The following DEFB121 variants were observed in gnomAD, a reference collection of about 807,000 sequenced individuals.
DEFB121 encodes the protein defensin beta 121, also known as beta-defensin 121.
DEFB121 carries 5 observed loss-of-function variants against 2.5 expected under a neutral mutation model. That is an observed-to-expected ratio of 1.96 (90% CI 1.03 to 4.13). DEFB121 has a LOEUF of 4.13. Among genes scored for constraint, DEFB121 ranks in the 30% most tolerant of loss-of-function variants. DEFB121 has a pLI of 0.00. For synonymous variants in DEFB121, 39 were observed against 32.6 expected, an observed-to-expected ratio of 1.20 and a Z score of -0.67; for missense variants, 87 against 85.0, an observed-to-expected ratio of 1.02 and a Z score of -0.09.
upstream of DEFB121, among the ~76,000 whole-genome samples, chr20:31,409,731 G>A (rs1440696945): frequency 1.3e-5 from 2 of 152,110 alleles, no homozygotes; most frequent in Admixed American, 6.6e-5. Context: ...TGGACAACAA[G>A]AGCGAAACAC....
chr20:31,406,367 G>T, upstream of DEFB121: 1 of 1,058,448 alleles, frequency 9.4e-7, no homozygotes, highest in Non-Finnish European at 1.2e-6. Flanking sequence ...GAGGGGGAAG[G>T]GACGTTAACA....
chr20:31,404,925 A>G lies in DEFB121; in HGVS notation c.219T>C (p.Thr73=). ...TGGAAGAGAGGTGTCAGACTGCAGA[A>G]GTTGATTCCAGGCTTGTATTTGTGT... The part of the protein sequence containing the change: ...LTDTNTSLES[T]SAV The change falls in exon 2 of 2, where the codon ACT becomes ACC. Residue 73 remains threonine (T), a synonymous_variant. Transcript: ENST00000376314. 1 of 1,614,006 alleles carries G rather than the reference A, an allele frequency of 6.2e-7. No individual in the cohort carries two copies. The highest frequency in any genetic ancestry group is 8.5e-7 in the Non-Finnish European group (1 of 1,179,994).
chr20:31,412,671 G>A (rs1235939524), exon 1 of DEFB121: 1 of 1,290,888 alleles, frequency 7.7e-7, no homozygotes, highest in Admixed American at 2.3e-5. Context: ...TCCTCCTTGA[G>A]GCTCTTCTGG....
rs149744379 is a variant in DEFB121 at position 31,406,103 on chromosome 20, A to T, written c.50T>A (p.Val17Asp). The change falls in exon 1 of 2, where the codon GTC (valine) becomes GAC (aspartate). Residue 17 changes from valine (V) to aspartate (D), a missense_variant. Physicochemically the swap from Val to Asp is radical, Grantham distance 152. Transcript: ENST00000376314. The stretch of plus-strand genomic sequence containing the variant: ...CTGGAGATCCTGTTTACCTGGGGTG[A>T]CCTGGGCCAGGAGCAGAGTAACAGT... ...LLTVTLLLAQ[V>D]TPVMKCWGKS... 1.7e-5 allele frequency: 28 copies of T among 1,613,938 alleles called. No individual in the cohort carries two copies. The highest frequency in any genetic ancestry group is 1.6e-4 in the Middle Eastern group (1 of 6,082).
chr20:31,408,465 CA>C (rs1978556920), upstream of DEFB121, among the ~76,000 whole-genome samples: 1 of 151,972 alleles, frequency 6.6e-6, no homozygotes, highest in African/African-American at 2.4e-5. Flanking sequence ...AAAAAAAAGA[CA>C]AGATAAATTT....
chr20:31,412,294 T>A (rs1317439087), intron 1 of DEFB121, among the ~76,000 whole-genome samples: 1 of 152,168 alleles, frequency 6.6e-6, no homozygotes, highest in Non-Finnish European at 1.5e-5. Context: ...TATGTTGGGC[T>A]TTTTTCTTTG....
chr20:31,406,644 GCCATCA>G (rs536769159), upstream of DEFB121, among the ~76,000 whole-genome samples: 18 of 152,218 alleles, frequency 1.2e-4, no homozygotes, highest in Admixed American at 6.5e-4. Context: ...TAGCTCCATG[GCCATCA>G]CCACTGGAAA....
upstream of DEFB121, among the ~76,000 whole-genome samples, chr20:31,406,540 T>C (rs1173019752): frequency 6.6e-6 from 1 of 152,174 alleles, no homozygotes; most frequent in East Asian, 1.9e-4. Flanking sequence ...GCGCCTTGGG[T>C]TCTTCCCAGC....
upstream of DEFB121, among the ~76,000 whole-genome samples, chr20:31,415,726 G>T (rs1382373961): frequency 1.3e-5 from 2 of 152,056 alleles, no homozygotes; most frequent in African/African-American, 4.8e-5. Flanking sequence ...GGTTCATGGA[G>T]GACCTTCTCC....
chr20:31,413,176 G>A (rs745915183), upstream of DEFB121, among the ~76,000 whole-genome samples: 4 of 152,206 alleles, frequency 2.6e-5, no homozygotes, highest in Non-Finnish European at 4.4e-5. Flanking sequence ...TGTGGACTAA[G>A]GACAAAGGTG....
chr20:31,409,183 T>C (rs1462105351), upstream of DEFB121, among the ~76,000 whole-genome samples: 1 of 152,196 alleles, frequency 6.6e-6, no homozygotes, highest in Non-Finnish European at 1.5e-5. Context: ...ATCTCCACTT[T>C]GGAAAAACAG....
At chr20:31,405,923 A>G (rs1978461341) in intron 1 of DEFB121, among the ~76,000 whole-genome samples, 172 bp downstream of exon 1, 1 of 152,090 alleles carries the variant, frequency 6.6e-6, no homozygotes. Context: ...GGCACTGGGA[A>G]GACCATTTGG....
chr20:31,408,252 T>C (rs2122353029), upstream of DEFB121, among the ~76,000 whole-genome samples: 1 of 152,200 alleles, frequency 6.6e-6, no homozygotes, highest in Middle Eastern at 3.4e-3. Context: ...GAAACCAGCC[T>C]CAGCAACATA....
upstream of DEFB121, among the ~76,000 whole-genome samples, chr20:31,406,881 C>A (rs764393914): frequency 2.6e-5 from 4 of 152,118 alleles, no homozygotes; most frequent in East Asian, 1.9e-4. Context: ...CTCACTGGAA[C>A]CTCGAATTCC....
intron 1 of DEFB121, among the ~76,000 whole-genome samples, chr20:31,412,129 C>T (rs939311710): frequency 7.9e-5 from 12 of 152,210 alleles, no homozygotes; most frequent in African/African-American, 2.4e-4. Flanking sequence ...CTACATATCA[C>T]TTCTTTGTAA....
chr20:31,415,722 T>C (rs994242999), upstream of DEFB121, among the ~76,000 whole-genome samples: 2 of 151,998 alleles, frequency 1.3e-5, no homozygotes. Flanking sequence ...GAGGGGTTCA[T>C]GGAGGACCTT....
At chr20:31,408,726 A>G (rs1240442447), upstream of DEFB121, among the ~76,000 whole-genome samples, 1 of 152,172 alleles carries the variant, frequency 6.6e-6, no homozygotes, top group Non-Finnish European at 1.5e-5. Context: ...ATTGTTTTCA[A>G]CGATTTAAAA....
chr20:31,404,964 T>C lies in DEFB121; in HGVS notation c.180A>G (p.Lys60=). Residue 60 remains lysine, a synonymous_variant, in exon 2 of 2, where the codon AAA becomes AAG. Coordinates refer to ENST00000376314, the MANE Select transcript of DEFB121 (RefSeq NM_001011878.3). The part of the protein sequence containing the change: ...CCVDPKYVPV[K]PKLTDTNTSL... ...TTGTATTTGTGTCTGTTAATTTTGG[T>C]TTTACAGGTACATACTTGGGATCCA... 6.2e-7 allele frequency: 1 copy of C among 1,613,682 alleles called. No individual in the cohort carries two copies. Among genetic ancestry groups the C allele is most frequent in the Non-Finnish European group, 8.5e-7 (1 of 1,179,882 alleles).
chr20:31,404,885 G>A lies in DEFB121; in HGVS notation c.*28C>T, dbSNP rs575016964. The A allele has an allele frequency of 1.2e-6, 2 of 1,611,392 alleles. No homozygotes were observed. The highest frequency in any genetic ancestry group is 2.7e-5 in the African/African-American group (2 of 74,868). ...TAATAGAACTGCAGGATCCCATGAT[G>A]TTGAGACTCAAGGTTGGAAGAGAGG... On this transcript the variant is annotated 3_prime_UTR_variant, in exon 2 of 2. Transcript: ENST00000376314.
Sources: gnomAD v4.1 joint callset for allele counts (sites outside exome capture counted in the v4.1 genomes callset) on GRCh38, gnomAD v4.1.1 for gene constraint, MANE v1.5 for transcripts, NCBI Gene and HGNC (gene_info 2026-07-23, HGNC 2026-07-21) for gene names.